DIXDC1: variants seen among roughly 807,000 people sequenced by gnomAD.
The protein encoded by DIXDC1 is DIX domain containing 1, also known as dixin.
DIXDC1 carries 64 observed loss-of-function variants against 103.1 expected under a neutral mutation model. The observed-to-expected ratio is 0.62, with a 90% CI of 0.51 to 0.76. The LOEUF is 0.76. Ranked by LOEUF, DIXDC1 falls within the 30% of genes least tolerant of loss-of-function variation. The pLI is 0.00. For missense variants in DIXDC1, 759 were observed against 834.2 expected (o/e 0.91, Z 1.11); for synonymous variants, 266 against 298.5 (o/e 0.89, Z 1.12).
At chr11:111,949,872 G>A (rs111332504) in intron 1 of DIXDC1, among the ~76,000 whole-genome samples, 11,509 of 151,896 alleles carry the variant, frequency 0.076, 1,285 homozygotes, top group African/African-American at 0.24. Flanking sequence ...ACCTTTTCCT[G>A]ATTCCTCCAG....
chr11:111,949,879 C>G (rs1247738838), intron 1 of DIXDC1, among the ~76,000 whole-genome samples: 1 of 152,184 alleles, frequency 6.6e-6, no homozygotes, highest in East Asian at 1.9e-4. Flanking sequence ...CCTGATTCCT[C>G]CAGCCTTCCA....
At chr11:111,940,982 G>T (rs1555168781) in intron 1 of DIXDC1, among the ~76,000 whole-genome samples, 1 of 152,208 alleles carries the variant, frequency 6.6e-6, no homozygotes, top group Non-Finnish European at 1.5e-5. Flanking sequence ...AGGCACGGTG[G>T]TGCATGCCTG....
At chr11:111,931,891 A>G (rs1269866721) in intron 2 of DIXDC1, among the ~76,000 whole-genome samples, 1 of 152,136 alleles carries the variant, frequency 6.6e-6, no homozygotes, top group Non-Finnish European at 1.5e-5. Context: ...CTGACACCTG[A>G]TCAACTGATA....
intron 11 of DIXDC1, among the ~76,000 whole-genome samples, 160 bp downstream of exon 11, chr11:111,992,679 C>G (rs1192191549): frequency 5.3e-5 from 8 of 152,236 alleles, no homozygotes; most frequent in Non-Finnish European, 1.2e-4. Context: ...AGACTCATCT[C>G]TGTTCCTAGG....
rs915812591 is a variant in DIXDC1, at chr11:112,017,722, A to G, written c.1863-55A>G. 2.3e-5 allele frequency: 33 copies of G among 1,455,718 alleles called. No individual in the cohort carries two copies. Among genetic ancestry groups the G allele is most frequent in the Non-Finnish European group, 3.0e-5 (32 of 1,058,466 alleles). The allele number at this position is 1,455,718 out of a possible 1,614,324, so 90.2% of individuals were successfully genotyped here. ...GGGCTGTGTTTAAAGTTAACATCTT[A>G]TCTTTCCAGCTATTGATCAACAGTC... On this transcript the variant is annotated intron_variant, in intron 18 of 19. Transcript: ENST00000440460. This position sits in a 1 kb window ranked among gnomAD's most constrained non-coding sequence, Gnocchi z 4.0.
chr11:112,000,134 C>A (rs587735967), intron 17 of DIXDC1, among the ~76,000 whole-genome samples: 2 of 151,268 alleles, frequency 1.3e-5, no homozygotes, highest in East Asian at 3.9e-4. Context: ...GACTTCGTCT[C>A]AAAAATAATA....
At chr11:112,006,028 A>G (rs1412092412) in intron 17 of DIXDC1, among the ~76,000 whole-genome samples, 1 of 152,152 alleles carries the variant, frequency 6.6e-6, no homozygotes, top group Non-Finnish European at 1.5e-5. Flanking sequence ...TCCCTTTCCT[A>G]GACAAAGGAA....
In DIXDC1 at chr11:111,937,447, C is replaced by T; in HGVS notation, c.-53C>T. The T allele has an allele frequency of 7.8e-6, 12 of 1,547,848 alleles. 1 individual carries two copies. The highest frequency in any genetic ancestry group is 6.0e-5 in the South Asian group (5 of 83,456). Reference sequence around the variant, plus strand: ...TGTGTGCAGAGGGAGGAGGAGGAGGCGGCGGCGGCCGCCGGGCTGGAGACC... The same window carrying T: ...TGTGTGCAGAGGGAGGAGGAGGAGGTGGCGGCGGCCGCCGGGCTGGAGACC... On this transcript the variant is annotated 5_prime_UTR_variant, in exon 1 of 20. Coordinates refer to ENST00000440460, the MANE Select transcript of DIXDC1 (RefSeq NM_001037954.4).
chr11:111,958,957 A>G lies in DIXDC1; in HGVS notation c.61-5592A>G, dbSNP rs1859484484. Among the ~76,000 whole-genome samples, 1 of 152,150 alleles carries G rather than the reference A, an allele frequency of 6.6e-6. No homozygotes were observed. Among genetic ancestry groups the G allele is most frequent in the African/African-American group, 2.4e-5 (1 of 41,436 alleles). On this transcript the variant is annotated intron_variant, in intron 1 of 19. Coordinates refer to ENST00000440460, the MANE Select transcript of DIXDC1 (RefSeq NM_001037954.4). This position sits in a 1 kb window ranked among gnomAD's most constrained non-coding sequence, Gnocchi z 4.2. Reference sequence around the variant, plus strand: ...GCCAAGGAGAAGAGCTACCCACTCCAGGGTCTTCACTCTGCTGAGAGCTGA... The same window carrying G: ...GCCAAGGAGAAGAGCTACCCACTCCGGGGTCTTCACTCTGCTGAGAGCTGA...
At chr11:111,929,955 G>C in intron 2 of DIXDC1, 1 of 1,494,418 alleles carries the variant, frequency 6.7e-7, no homozygotes, top group Non-Finnish European at 9.0e-7. Flanking sequence ...TGATGTTACT[G>C]GAATTTCAAT....
chr11:111,936,795 C>T (rs967737926), upstream of DIXDC1, among the ~76,000 whole-genome samples: 6 of 152,140 alleles, frequency 3.9e-5, no homozygotes, highest in African/African-American at 1.4e-4. Flanking sequence ...CTATGATTCA[C>T]TCCCTTTCCC....
At chr11:112,007,875 G>A (rs587681629) in intron 17 of DIXDC1, among the ~76,000 whole-genome samples, 2 of 150,058 alleles carry the variant, frequency 1.3e-5, no homozygotes, top group East Asian at 3.9e-4. Flanking sequence ...CAAGACCATC[G>A]ATGCTATGAT....
intron 1 of DIXDC1, among the ~76,000 whole-genome samples, chr11:111,963,688 A>G (rs1188397928): frequency 1.3e-5 from 2 of 152,220 alleles, no homozygotes; most frequent in Non-Finnish European, 2.9e-5. Flanking sequence ...TGACCAAATA[A>G]TCAGCATAAA....
At position 112,017,682 on chromosome 11, in the gene DIXDC1, A is replaced by G. The variant is rs908327742; in HGVS notation, c.1863-95A>G. ...ACCTAACAAGGGGCTATTTCTGCTT[A>G]TTGACTTTGGCAGGGGGCTGTGTTT... On this transcript the variant is annotated intron_variant, in intron 18 of 19. Coordinates refer to ENST00000440460, the MANE Select transcript of DIXDC1 (RefSeq NM_001037954.4). This position sits in a 1 kb window ranked among gnomAD's most constrained non-coding sequence, Gnocchi z 4.0. 2 of 1,015,164 alleles carry G rather than the reference A, an allele frequency of 2.0e-6. No homozygotes were observed. Among genetic ancestry groups the G allele is most frequent in the African/African-American group, 1.6e-5 (1 of 62,408 alleles). The allele number at this position is 1,015,164 out of a possible 1,614,324, so 62.9% of individuals were successfully genotyped here.
At chr11:111,948,967 G>A (rs1331050211) in intron 1 of DIXDC1, among the ~76,000 whole-genome samples, 4 of 151,390 alleles carry the variant, frequency 2.6e-5, no homozygotes. Flanking sequence ...AGGATTTAGC[G>A]TCATCACTGA....
chr11:111,935,453 T>C (rs1966161084), upstream of DIXDC1, among the ~76,000 whole-genome samples: 1 of 152,220 alleles, frequency 6.6e-6, no homozygotes, highest in South Asian at 2.1e-4. Context: ...CATAGATAAC[T>C]GTCAGCAGGA....
chr11:111,957,305 A>C (rs1859420774), intron 1 of DIXDC1, among the ~76,000 whole-genome samples: 1 of 152,244 alleles, frequency 6.6e-6, no homozygotes, highest in Non-Finnish European at 1.5e-5. Flanking sequence ...TAATAATTGT[A>C]GCAGGAAAGA....
chr11:111,990,298 C>T (rs1387665833), intron 10 of DIXDC1, among the ~76,000 whole-genome samples: 2 of 150,626 alleles, frequency 1.3e-5, no homozygotes, highest in Admixed American at 1.3e-4. Flanking sequence ...AGCATGTTGG[C>T]CAGGCTGGTC....
intron 17 of DIXDC1, among the ~76,000 whole-genome samples, chr11:112,012,273 G>A (rs372214480): frequency 6.6e-6 from 1 of 152,194 alleles, no homozygotes; most frequent in African/African-American, 2.4e-5. Context: ...TGGTGAAAAA[G>A]ATGAACAGTG....
Sources: allele counts gnomAD v4.1 joint callset (sites outside exome capture counted in the v4.1 genomes callset), GRCh38; gene constraint gnomAD v4.1.1; non-coding constraint Gnocchi (gnomAD v3.1); transcripts MANE v1.5; gene names NCBI Gene and HGNC (gene_info 2026-07-23, HGNC 2026-07-21).